The following SMARCC1 variants were observed in gnomAD, a reference collection of about 807,000 sequenced individuals.
The protein encoded by SMARCC1 is SWI/SNF related BAF chromatin remodeling complex subunit C1, also known as SWI/SNF complex subunit SMARCC1.
Under a neutral mutation model 147.4 loss-of-function variants are expected in SMARCC1, and 43 were observed. The ratio of observed to expected loss-of-function variants is 0.29; its 90% CI spans 0.23 to 0.38. The LOEUF (loss-of-function observed/expected upper bound fraction) is 0.38, where lower values mean the gene tolerates loss of function less well. Among genes scored for constraint, SMARCC1 ranks in the 10% least tolerant of loss-of-function variants. The pLI, the probability that SMARCC1 is intolerant of heterozygous loss-of-function variation, is 1.00. For synonymous variants in SMARCC1, 495 were observed against 484.4 expected (o/e 1.02, Z -0.29); for missense variants, 1,119 against 1,381.1 (o/e 0.81, Z 3.01).
intron 26 of SMARCC1, chr3:47,604,209 T>G (rs774554857): frequency 2.2e-6 from 1 of 456,692 alleles, no homozygotes; most frequent in Non-Finnish European, 4.4e-6. Context: ...GCTCTACCAC[T>G]AACTGATGGA....
At chr3:47,685,021 C>T (rs533971626) in intron 14 of SMARCC1, among the ~76,000 whole-genome samples, 50 of 152,164 alleles carry the variant, frequency 3.3e-4, no homozygotes, top group Non-Finnish European at 5.9e-4. Context: ...GCTCAGCACA[C>T]AATTCTTTTT....
intron 17 of SMARCC1, among the ~76,000 whole-genome samples, chr3:47,675,980 C>G (rs2033567684): frequency 6.6e-6 from 1 of 151,532 alleles, no homozygotes; most frequent in Admixed American, 6.6e-5. Context: ...GGCACTTAAA[C>G]CACTCTTGGT....
chr3:47,685,617 T>C (rs2033711583), intron 14 of SMARCC1, among the ~76,000 whole-genome samples: 1 of 150,178 alleles, frequency 6.7e-6, no homozygotes, highest in East Asian at 2.0e-4. Context: ...CCCAGCACTT[T>C]GGGAGGCTGA....
intron 11 of SMARCC1, among the ~76,000 whole-genome samples, chr3:47,696,169 G>A (rs1385647059): frequency 6.6e-6 from 1 of 151,010 alleles, no homozygotes; most frequent in Non-Finnish European, 1.5e-5. Context: ...TCAGAAGTTC[G>A]GGACCAGCCT....
chr3:47,755,011 C>G (rs900674497), intron 2 of SMARCC1, among the ~76,000 whole-genome samples: 6 of 152,044 alleles, frequency 3.9e-5, no homozygotes, highest in Non-Finnish European at 4.4e-5. Flanking sequence ...CCACTGCACT[C>G]CAGCCTGGAT....
chr3:47,701,584 G>C, intron 10 of SMARCC1, 182 bp from the exon 11 acceptor site: 2 of 567,810 alleles, frequency 3.5e-6, no homozygotes, highest in Non-Finnish European at 6.2e-6. Flanking sequence ...GGAGGCCGAG[G>C]CAGGTGGATC....
chr3:47,587,997 C>T lies in SMARCC1; in HGVS notation c.*212G>A, dbSNP rs1384976939. The T allele has an allele frequency of 7.2e-6, 4 of 557,246 alleles. No homozygotes were observed. Among genetic ancestry groups the T allele is most frequent in the Non-Finnish European group, 9.5e-6 (3 of 314,716 alleles). 34.5% of individuals were successfully genotyped at this position (557,246 alleles called of 1,614,324 possible). On this transcript the variant is annotated 3_prime_UTR_variant, in exon 28 of 28. Coordinates refer to ENST00000254480, the MANE Select transcript of SMARCC1 (RefSeq NM_003074.4). ...TAAGGATGACCAGGGCACACTGTCA[C>T]TACAGGTTTCCCCTTGAGTGTTGGC...
chr3:47,761,601 GACT>G (rs2034774340), intron 2 of SMARCC1, among the ~76,000 whole-genome samples: 1 of 152,066 alleles, frequency 6.6e-6, no homozygotes, highest in South Asian at 2.1e-4. Flanking sequence ...CAACTCAAGT[GACT>G]ACGACTGCTG....
intron 24 of SMARCC1, among the ~76,000 whole-genome samples, chr3:47,629,968 G>C (rs1276505020): frequency 6.6e-6 from 1 of 151,738 alleles, no homozygotes; most frequent in Non-Finnish European, 1.5e-5. Context: ...TCTGGCAACA[G>C]TGGTGACCAG....
chr3:47,592,064 T>C (rs1324243202), intron 26 of SMARCC1, among the ~76,000 whole-genome samples: 3 of 152,236 alleles, frequency 2.0e-5, no homozygotes, highest in Non-Finnish European at 2.9e-5. Context: ...ATAAGAAAGC[T>C]TGATCTTGAA....
At chr3:47,590,601 T>A in intron 27 of SMARCC1, 60 bp downstream of exon 27, 1 of 1,395,028 alleles carries the variant, frequency 7.2e-7, no homozygotes, top group Non-Finnish European at 9.5e-7. Context: ...CCTCCTTCCC[T>A]TATCTACAGC....
chr3:47,746,866 G>A (rs754259276), intron 2 of SMARCC1, among the ~76,000 whole-genome samples: 18 of 151,714 alleles, frequency 1.2e-4, no homozygotes, highest in Non-Finnish European at 2.1e-4. Flanking sequence ...AAGTAGCTGG[G>A]ATTATAGGCA....
At chr3:47,758,644 T>C (rs2034732714) in intron 2 of SMARCC1, among the ~76,000 whole-genome samples, 1 of 152,196 alleles carries the variant, frequency 6.6e-6, no homozygotes, top group African/African-American at 2.4e-5. Context: ...ACTGAGTGGC[T>C]GTAACAGAGC....
At chr3:47,590,213 T>C (rs1576379950) in intron 27 of SMARCC1, among the ~76,000 whole-genome samples, 1 of 152,246 alleles carries the variant, frequency 6.6e-6, no homozygotes, top group Non-Finnish European at 1.5e-5. Flanking sequence ...CCACTACTAA[T>C]ATAACAAAAA....
At chr3:47,709,856 A>C (rs749753896) in intron 9 of SMARCC1, among the ~76,000 whole-genome samples, 4 of 152,146 alleles carry the variant, frequency 2.6e-5, no homozygotes, top group Non-Finnish European at 4.4e-5. Flanking sequence ...CTTGTGCCTT[A>C]CAAGGAATCA....
At chr3:47,684,440 ATT>A (rs765703558) in intron 14 of SMARCC1, among the ~76,000 whole-genome samples, 17 of 141,704 alleles carry the variant, frequency 1.2e-4, no homozygotes, top group Admixed American at 7.1e-5. Flanking sequence ...TTGGGTAGTA[ATT>A]TTTTTTTTTT....
intron 12 of SMARCC1, among the ~76,000 whole-genome samples, chr3:47,692,409 T>C (rs1349910947): frequency 6.6e-6 from 1 of 152,232 alleles, no homozygotes; most frequent in Non-Finnish European, 1.5e-5. Context: ...TACAAAGTAT[T>C]AACACTCCAC....
intron 13 of SMARCC1, 50 bp from the exon 14 acceptor site, chr3:47,686,220 A>T (rs1227263334): frequency 1.4e-6 from 2 of 1,468,990 alleles, no homozygotes; most frequent in African/African-American, 2.8e-5. Flanking sequence ...ACAGAGAGAG[A>T]TATATATAAC....
At chr3:47,696,604 T>C (rs1001226595) in intron 11 of SMARCC1, among the ~76,000 whole-genome samples, 3 of 151,186 alleles carry the variant, frequency 2.0e-5, no homozygotes, top group Non-Finnish European at 3.0e-5. Context: ...CTGCAACCTC[T>C]GCCTCCCGAG....
Sources: allele counts gnomAD v4.1 joint callset (sites outside exome capture counted in the v4.1 genomes callset), GRCh38; gene constraint gnomAD v4.1.1; transcripts MANE v1.5; gene names NCBI Gene and HGNC (gene_info 2026-07-23, HGNC 2026-07-21).